Variants in CDH13 observed in about 807,000 individuals in gnomAD.
CDH13 encodes cadherin-13.
CDH13 carries 24 observed loss-of-function variants against 63.8 expected under a neutral mutation model. That is an observed-to-expected ratio of 0.38 (90% CI 0.27 to 0.53). CDH13 has a LOEUF of 0.53. Ranked by LOEUF, CDH13 falls within the 20% of genes least tolerant of loss-of-function variation. CDH13 has a pLI of 0.85. For synonymous variants in CDH13, 503 were observed against 355.3 expected (o/e 1.42, Z -4.67); for missense variants, 1,049 against 903.1 (o/e 1.16, Z -2.07).
At chr16:82,700,277 C>T (rs548443920) in intron 1 of CDH13, among the ~76,000 whole-genome samples, 1 of 152,288 alleles carries the variant, frequency 6.6e-6, no homozygotes, top group African/African-American at 2.4e-5. Context: ...ATCTACTTGA[C>T]CTGGGAACCC....
At chr16:83,566,007 C>T (rs996637203) in intron 7 of CDH13, among the ~76,000 whole-genome samples, 1 of 152,156 alleles carries the variant, frequency 6.6e-6, no homozygotes, top group African/African-American at 2.4e-5. Flanking sequence ...GACTGGGACT[C>T]ATTTGAGTTG....
At chr16:83,350,550 C>T (rs2090931639) in intron 6 of CDH13, among the ~76,000 whole-genome samples, 1 of 101,070 alleles carries the variant, frequency 9.9e-6, no homozygotes, top group Non-Finnish European at 1.9e-5. Context: ...CTGTCTTAGT[C>T]CCTTTAATTT....
intron 5 of CDH13, among the ~76,000 whole-genome samples, chr16:83,317,461 T>C (rs1423531770): frequency 1.3e-5 from 2 of 152,110 alleles, no homozygotes; most frequent in Non-Finnish European, 2.9e-5. Context: ...GTCTTTCTGG[T>C]TGGGCTTTCC....
chr16:83,260,208 A>G (rs540335979), intron 5 of CDH13, among the ~76,000 whole-genome samples: 1 of 151,010 alleles, frequency 6.6e-6, no homozygotes, highest in Admixed American at 6.6e-5. Context: ...TTTCTCTTCT[A>G]CTGTCGCTTG....
chr16:83,728,014 A>G (rs1910611508), intron 10 of CDH13, among the ~76,000 whole-genome samples: 1 of 152,198 alleles, frequency 6.6e-6, no homozygotes, highest in African/African-American at 2.4e-5. Context: ...TTTGTGAGGC[A>G]AAAGCTTTTG....
rs141846820 is a variant in CDH13 at position 83,437,537 on chromosome 16, C to T, written c.782-48940C>T. Reference sequence around the variant, plus strand: ...CTACAAATACAAAAAATTAGCTGGGCGTAGTGGGACATGCCTGTAGTCCCA... The same window carrying T: ...CTACAAATACAAAAAATTAGCTGGGTGTAGTGGGACATGCCTGTAGTCCCA... On this transcript the variant is annotated intron_variant, in intron 6 of 13. Coordinates refer to ENST00000567109, the MANE Select transcript of CDH13 (RefSeq NM_001257.5). Among the ~76,000 whole-genome samples the T allele has an allele frequency of 1.1e-3, 171 of 151,906 alleles. No individual in the cohort carries two copies. The East Asian group carries it at 0.016, about 14-fold the overall frequency.
intron 11 of CDH13, among the ~76,000 whole-genome samples, chr16:83,770,017 T>C (rs1951904365): frequency 6.6e-6 from 1 of 152,098 alleles, no homozygotes; most frequent in Non-Finnish European, 1.5e-5. Context: ...ATAACTGTAT[T>C]TGTACCCAGA....
chr16:83,495,718 A>C (rs941613808), intron 7 of CDH13, among the ~76,000 whole-genome samples: 1 of 152,214 alleles, frequency 6.6e-6, no homozygotes, highest in African/African-American at 2.4e-5. Flanking sequence ...AGTAAGCCAC[A>C]TTATGTAGGG....
chr16:83,187,432 C>T (rs1276055628), intron 4 of CDH13, among the ~76,000 whole-genome samples: 2 of 152,068 alleles, frequency 1.3e-5, no homozygotes, highest in Non-Finnish European at 2.9e-5. Flanking sequence ...AGTGATAAAA[C>T]CATGACTTGA....
At chr16:83,569,054 G>T (rs1372657589) in intron 7 of CDH13, among the ~76,000 whole-genome samples, 1 of 151,978 alleles carries the variant, frequency 6.6e-6, no homozygotes, top group Non-Finnish European at 1.5e-5. Context: ...CCAAACCACT[G>T]TCTGGCCTCC....
At chr16:83,208,002 A>G (rs2039232050) in intron 4 of CDH13, among the ~76,000 whole-genome samples, 1 of 152,086 alleles carries the variant, frequency 6.6e-6, no homozygotes, top group African/African-American at 2.4e-5. Flanking sequence ...GTGTTGCTGG[A>G]GTTTTATTTT....
At chr16:83,331,852 T>G (rs2090486783) in intron 5 of CDH13, among the ~76,000 whole-genome samples, 1 of 150,702 alleles carries the variant, frequency 6.6e-6, no homozygotes, top group Non-Finnish European at 1.5e-5. Flanking sequence ...TTCATCAATC[T>G]TTTATAACAT....
At chr16:82,771,761 G>C (rs905138537) in intron 1 of CDH13, among the ~76,000 whole-genome samples, 2 of 152,214 alleles carry the variant, frequency 1.3e-5, no homozygotes, top group Non-Finnish European at 2.9e-5. Context: ...TAGGAAAAAC[G>C]TATAGGGAAG....
intron 6 of CDH13, among the ~76,000 whole-genome samples, chr16:83,365,687 G>T (rs1278227774): frequency 6.6e-6 from 1 of 152,174 alleles, no homozygotes. Context: ...GCCCTTTAAA[G>T]CAGAAGAGGA....
Position 83,191,524 on chromosome 16 carries a change from CACACACATATATAT to C in CDH13, c.484-25819_484-25806del, listed in dbSNP as rs1479501458. 3.6e-3 allele frequency among the ~76,000 whole-genome samples: 364 copies of C among 100,528 alleles called. 2 individuals are homozygous for C. The highest frequency in any genetic ancestry group is 0.014 in the African/African-American group (354 of 26,162). The allele number at this position is 100,528 out of a possible 152,430, so 66.0% of individuals were successfully genotyped here. On this transcript the variant is annotated intron_variant, in intron 4 of 13. Transcript: ENST00000567109. ...ATATATACACACACACACACACACA[CACACACATATATAT>C]ATATATATATATATATATACACACA... is the stretch of plus-strand genomic sequence containing the variant.
chr16:83,580,267 G>A (rs1905440244), intron 7 of CDH13, among the ~76,000 whole-genome samples: 1 of 152,062 alleles, frequency 6.6e-6, no homozygotes, highest in Admixed American at 6.6e-5. Context: ...GGAACCACTG[G>A]GGCTATTTTT....
chr16:83,529,153 A>T (rs1256686907), intron 7 of CDH13, among the ~76,000 whole-genome samples: 1 of 151,096 alleles, frequency 6.6e-6, no homozygotes, highest in Non-Finnish European at 1.5e-5. Context: ...CAGGAAGTTA[A>T]GCCCCATTGT....
chr16:83,265,629 T>G (rs1907516968), intron 5 of CDH13, among the ~76,000 whole-genome samples: 1 of 152,004 alleles, frequency 6.6e-6, no homozygotes. Context: ...AATCTTTGTT[T>G]TGTGAATACA....
intron 2 of CDH13, among the ~76,000 whole-genome samples, chr16:82,987,403 G>A (rs1911078601): frequency 6.6e-6 from 1 of 152,112 alleles, no homozygotes; most frequent in South Asian, 2.1e-4. Flanking sequence ...TTGAGATGGA[G>A]TCTTGATCTG....
Sources: gnomAD v4.1 joint callset for allele counts (sites outside exome capture counted in the v4.1 genomes callset) on GRCh38, gnomAD v4.1.1 for gene constraint, MANE v1.5 for transcripts, NCBI Gene and HGNC (gene_info 2026-07-23, HGNC 2026-07-21) for gene names.